Variants in WWOX observed in about 807,000 individuals in gnomAD.
WWOX encodes the protein WW domain containing oxidoreductase.
In WWOX, 69 loss-of-function variants were observed where a neutral mutation model predicts 46.2. The ratio of observed to expected loss-of-function variants is 1.49; its 90% CI spans 1.23 to 1.82. The LOEUF is 1.82. WWOX is among the 40% of genes most tolerant of loss of function. The pLI, the probability that WWOX is intolerant of heterozygous loss-of-function variation, is 0.00. For missense variants in WWOX, 919 were observed against 542.6 expected (o/e 1.69, Z -6.89); for synonymous variants, 359 against 202.6 (o/e 1.77, Z -6.56).
chr16:78,578,252 T>TTATATATATATATATATATATA lies in WWOX; in HGVS notation c.1056+145501_1056+145502insATATATATATATATATATATAT, dbSNP rs1567657205. ...TATACAAATATATGTGCATACCAAA[T>TTATATATATATATATATATATA]TTTATATATATATATATATATATAT... On this transcript the variant is annotated intron_variant, in intron 8 of 8. Coordinates refer to ENST00000566780, the MANE Select transcript of WWOX (RefSeq NM_016373.4). Among the ~76,000 whole-genome samples the TTATATATATATATATATATATA allele has an allele frequency of 3.4e-4, 13 of 38,100 alleles. 1 individual carries two copies. Among genetic ancestry groups the TTATATATATATATATATATATA allele is most frequent in the Admixed American group, 1.9e-3 (5 of 2,572 alleles). 25.0% of individuals were successfully genotyped at this position (38,100 alleles called of 152,430 possible).
intron 8 of WWOX, among the ~76,000 whole-genome samples, chr16:78,785,982 C>T (rs1157287591): frequency 2.0e-5 from 3 of 152,182 alleles, no homozygotes; most frequent in African/African-American, 4.8e-5. Flanking sequence ...TCTCTGCTCA[C>T]CGCAACCTCC....
intron 5 of WWOX, among the ~76,000 whole-genome samples, chr16:78,373,701 T>A (rs59791455): frequency 0.053 from 8,103 of 152,304 alleles, 283 homozygotes; most frequent in East Asian, 0.12. Flanking sequence ...CATGTTTCTT[T>A]TGATGACTGA....
chr16:79,206,861 T>C (rs2051529468), intron 8 of WWOX: 1 of 152,218 alleles, frequency 6.6e-6, no homozygotes, highest in Non-Finnish European at 1.5e-5. Flanking sequence ...TATGAACAAA[T>C]GCAATTTGTG....
chr16:79,025,776 G>A (rs2550705), intron 8 of WWOX, among the ~76,000 whole-genome samples: 4 of 116,510 alleles, frequency 3.4e-5, no homozygotes, highest in African/African-American at 1.0e-4. Flanking sequence ...CCCTGTTGCC[G>A]TTTTCTTTGC....
intron 5 of WWOX, among the ~76,000 whole-genome samples, chr16:78,224,153 G>C (rs1039288415): frequency 6.6e-6 from 1 of 151,956 alleles, no homozygotes; most frequent in African/African-American, 2.4e-5. Context: ...ACAGGCACCC[G>C]CCACCAAGCC....
intron 8 of WWOX, among the ~76,000 whole-genome samples, chr16:78,742,360 CA>C (rs1313983405): frequency 3.9e-5 from 6 of 152,310 alleles, no homozygotes; most frequent in African/African-American, 1.4e-4. Context: ...GACAGAGCCC[CA>C]CTTCTAGCTC....
chr16:78,452,915 C>G (rs1468641848), intron 8 of WWOX, among the ~76,000 whole-genome samples: 1 of 138,152 alleles, frequency 7.2e-6, no homozygotes, highest in East Asian at 2.4e-4. Context: ...CTCTGTTGCC[C>G]AGGCTAAAGT....
intron 8 of WWOX, among the ~76,000 whole-genome samples, chr16:78,905,472 C>A (rs2044937984): frequency 6.6e-6 from 1 of 152,194 alleles, no homozygotes; most frequent in Admixed American, 6.5e-5. Context: ...GACTCAACCT[C>A]CTGGGTGCAA....
intron 5 of WWOX, among the ~76,000 whole-genome samples, chr16:78,311,725 A>AT (rs1355282740): frequency 1.3e-5 from 2 of 151,892 alleles, no homozygotes; most frequent in African/African-American, 2.4e-5. Flanking sequence ...ATGCTTTAAT[A>AT]TTTTTTTGAA....
intron 8 of WWOX, among the ~76,000 whole-genome samples, chr16:78,593,269 G>A (rs1429180307): frequency 6.6e-6 from 1 of 151,778 alleles, no homozygotes; most frequent in Non-Finnish European, 1.5e-5. Flanking sequence ...TTAAACTCCT[G>A]GCCTCAAGCA....
chr16:78,500,992 G>A (rs1597173522), intron 8 of WWOX, among the ~76,000 whole-genome samples: 1 of 152,174 alleles, frequency 6.6e-6, no homozygotes, highest in African/African-American at 2.4e-5. Context: ...ACCCAGCCAG[G>A]GAAATATGTT....
chr16:78,361,208 T>G (rs1276848858), intron 5 of WWOX, among the ~76,000 whole-genome samples: 1 of 152,186 alleles, frequency 6.6e-6, no homozygotes, highest in Non-Finnish European at 1.5e-5. Context: ...TTCTCATCAT[T>G]AGCTGAGTGT....
At chr16:78,917,585 A>G (rs369290080) in intron 8 of WWOX, among the ~76,000 whole-genome samples, 1 of 152,012 alleles carries the variant, frequency 6.6e-6, no homozygotes. Flanking sequence ...ACAATCAAAC[A>G]TATTTTCATT....
At chr16:78,963,530 C>T (rs1206497909) in intron 8 of WWOX, among the ~76,000 whole-genome samples, 1 of 152,152 alleles carries the variant, frequency 6.6e-6, no homozygotes, top group Non-Finnish European at 1.5e-5. Context: ...TCGCTTCACT[C>T]CTAAACACTT....
intron 8 of WWOX, among the ~76,000 whole-genome samples, chr16:78,608,676 T>G (rs553468719): frequency 6.6e-6 from 1 of 152,302 alleles, no homozygotes; most frequent in African/African-American, 2.4e-5. Flanking sequence ...ACCCTTGGTT[T>G]CAAAGGGAAC....
intron 5 of WWOX, chr16:78,166,917 C>G (rs2034994673): frequency 6.6e-6 from 1 of 152,194 alleles, no homozygotes; most frequent in Non-Finnish European, 1.5e-5. Context: ...TGTAGACAGA[C>G]AACTGCTGAG....
intron 5 of WWOX, among the ~76,000 whole-genome samples, chr16:78,195,995 C>T (rs1286922713): frequency 1.3e-5 from 2 of 152,112 alleles, no homozygotes; most frequent in African/African-American, 4.8e-5. Context: ...AAGTATTGCT[C>T]TAACATTCTG....
intron 6 of WWOX, among the ~76,000 whole-genome samples, chr16:78,420,207 C>G (rs2151955944): frequency 6.6e-6 from 1 of 152,076 alleles, no homozygotes; most frequent in East Asian, 1.9e-4. Context: ...AACAGTTTGG[C>G]CATTATTCAA....
chr16:78,414,321 G>A (rs1460534969), intron 6 of WWOX, among the ~76,000 whole-genome samples: 1 of 152,102 alleles, frequency 6.6e-6, no homozygotes. Context: ...CTCTTCACAT[G>A]GACACGTGTA....
Sources: gnomAD v4.1 joint callset for allele counts (sites outside exome capture counted in the v4.1 genomes callset) on GRCh38, gnomAD v4.1.1 for gene constraint, MANE v1.5 for transcripts, NCBI Gene and HGNC (gene_info 2026-07-23, HGNC 2026-07-21) for gene names.